Variants in CCDC201 observed in about 807,000 individuals in gnomAD.
The protein encoded by CCDC201 is coiled-coil domain containing 201.
At chr7:45,862,405 G>T (rs560011353) in exon 3 of CCDC201, 1 of 152,414 alleles carries the variant, frequency 6.6e-6, no homozygotes, top group African/African-American at 2.4e-5. Flanking sequence ...CCACAGTCTG[G>T]TTTCTCCTAC....
intron 2 of CCDC201, among the ~76,000 whole-genome samples, 192 bp from the exon 3 acceptor site, chr7:45,863,363 C>T (rs1338893226): frequency 6.6e-6 from 1 of 152,190 alleles, no homozygotes; most frequent in Non-Finnish European, 1.5e-5. Context: ...AGAGGGCCCA[C>T]TCTTGGTGTG....
At chr7:45,864,908 G>A (rs1297985089) in intron 2 of CCDC201, among the ~76,000 whole-genome samples, 1 of 152,148 alleles carries the variant, frequency 6.6e-6, no homozygotes, top group East Asian at 1.9e-4. Context: ...GGTTAGGAAG[G>A]AAAAGTAGGG....
intron 2 of CCDC201, among the ~76,000 whole-genome samples, chr7:45,864,599 G>C (rs1231407011): frequency 6.6e-6 from 1 of 152,176 alleles, no homozygotes; most frequent in Non-Finnish European, 1.5e-5. Flanking sequence ...GGAGGCAGCA[G>C]CCAGGCACAG....
upstream of CCDC201, among the ~76,000 whole-genome samples, chr7:45,873,920 C>CTTTTT (rs201948561): frequency 1.6e-4 from 19 of 121,398 alleles, no homozygotes; most frequent in Non-Finnish European, 2.0e-4. Context: ...CATTTACTTA[C>CTTTTT]TTTTTTTTTT....
At chr7:45,873,920 C>CTT (rs201948561), upstream of CCDC201, among the ~76,000 whole-genome samples, 117 of 121,378 alleles carry the variant, frequency 9.6e-4, 1 homozygote, top group Middle Eastern at 8.5e-3. Context: ...CATTTACTTA[C>CTT]TTTTTTTTTT....
chr7:45,872,676 C>G (rs1288668136), intron 1 of CCDC201, among the ~76,000 whole-genome samples: 1 of 152,178 alleles, frequency 6.6e-6, no homozygotes, highest in Admixed American at 6.5e-5. Flanking sequence ...CCTCAGAGCC[C>G]AGGCTGATGA....
At chr7:45,885,103 G>A in the CCDC201 span, among the ~76,000 whole-genome samples, 1 of 152,196 alleles carries the variant, frequency 6.6e-6, no homozygotes, top group African/African-American at 2.4e-5. Flanking sequence ...GGATGGAAGA[G>A]ACCATGGACT....
chr7:45,876,429 G>A (rs545645047), upstream of CCDC201, among the ~76,000 whole-genome samples: 1 of 152,338 alleles, frequency 6.6e-6, no homozygotes, highest in East Asian at 1.9e-4. Context: ...CAAGATCACA[G>A]AGCTGCCAAG....
At chr7:45,873,892 CTATTT>C (rs1409003790), upstream of CCDC201, among the ~76,000 whole-genome samples, 1 of 146,356 alleles carries the variant, frequency 6.8e-6, no homozygotes, top group African/African-American at 2.5e-5. Context: ...TTTAGTGTGC[CTATTT>C]TATTTTATTA....
At chr7:45,880,742 A>T in the CCDC201 span, among the ~76,000 whole-genome samples, 2 of 152,222 alleles carry the variant, frequency 1.3e-5, no homozygotes, top group African/African-American at 2.4e-5. Context: ...CCGTGTTGTA[A>T]TTGGCAGGCT....
chr7:45,860,559 T>C (rs1786586932), exon 3 of CCDC201: 1 of 152,232 alleles, frequency 6.6e-6, no homozygotes, highest in South Asian at 2.1e-4. Flanking sequence ...GGGCTATTGT[T>C]TAGCTGTTTA....
At chr7:45,884,882 C>G in the CCDC201 span, among the ~76,000 whole-genome samples, 1 of 152,082 alleles carries the variant, frequency 6.6e-6, no homozygotes, top group African/African-American at 2.4e-5. Flanking sequence ...TCACTCCTTT[C>G]CCCCACACCT....
At chr7:45,863,520 A>G (rs1017556124) in intron 2 of CCDC201, among the ~76,000 whole-genome samples, 2 of 152,178 alleles carry the variant, frequency 1.3e-5, no homozygotes, top group Admixed American at 6.5e-5. Flanking sequence ...ACAGGTGCAT[A>G]GGTCAGTCTA....
At chr7:45,876,962 G>A (rs1786815816), upstream of CCDC201, among the ~76,000 whole-genome samples, 1 of 152,256 alleles carries the variant, frequency 6.6e-6, no homozygotes, top group South Asian at 2.1e-4. Context: ...CTGCTAGTCA[G>A]CCATGTTGAA....
chr7:45,880,962 G>C, the CCDC201 span, among the ~76,000 whole-genome samples: 1 of 152,102 alleles, frequency 6.6e-6, no homozygotes, highest in Non-Finnish European at 1.5e-5. Flanking sequence ...TCCCCATGGG[G>C]GTCATGGCAT....
upstream of CCDC201, among the ~76,000 whole-genome samples, chr7:45,875,647 G>A (rs1458387498): frequency 5.3e-5 from 8 of 152,150 alleles, no homozygotes; most frequent in African/African-American, 1.4e-4. Context: ...CCTTAGCACC[G>A]TCAATTCATT....
the CCDC201 span, among the ~76,000 whole-genome samples, chr7:45,882,372 C>A: frequency 6.6e-6 from 1 of 152,214 alleles, no homozygotes; most frequent in Non-Finnish European, 1.5e-5. Context: ...ACCAGGCAAT[C>A]CATCATCCCC....
exon 2 of CCDC201, chr7:45,866,161 G>A (rs1055843333): frequency 2.5e-5 from 5 of 200,636 alleles, no homozygotes; most frequent in Non-Finnish European, 4.1e-5. Flanking sequence ...TGCTGCTGCC[G>A]CTGCCGCTGC....
At chr7:45,866,407 G>A (rs1020909534) in exon 2 of CCDC201, 1 of 152,420 alleles carries the variant, frequency 6.6e-6, no homozygotes, top group Non-Finnish European at 1.5e-5. Context: ...GCCTCCTCAG[G>A]GGTGCTGTGT....
Sources: gnomAD v4.1 joint callset for allele counts (sites outside exome capture counted in the v4.1 genomes callset) on GRCh38, gnomAD v4.1.1 for gene constraint, MANE v1.5 for transcripts, NCBI Gene and HGNC (gene_info 2026-07-23, HGNC 2026-07-21) for gene names.